Variants in JAKMIP1 observed in about 807,000 individuals in gnomAD.
The protein encoded by JAKMIP1 is janus kinase and microtubule interacting protein 1, also known as janus kinase and microtubule-interacting protein 1.
A neutral mutation model predicts 113.0 loss-of-function variants in JAKMIP1; 33 were observed. The observed-to-expected ratio is 0.29, with a 90% CI of 0.22 to 0.39. The LOEUF (loss-of-function observed/expected upper bound fraction) is 0.39. Ranked by LOEUF, JAKMIP1 falls within the 10% of genes least tolerant of loss-of-function variation. The pLI is 1.00. For synonymous variants in JAKMIP1, 480 were observed against 459.9 expected (o/e 1.04, Z -0.56); for missense variants, 813 against 1,080.5 (o/e 0.75, Z 3.47).
rs994744487 is a variant in JAKMIP1, at chr4:6,157,947, T to G, written c.-148+42306A>C. On this transcript the variant is annotated intron_variant, in intron 1 of 20. Coordinates refer to ENST00000409021, the MANE Select transcript of JAKMIP1 (RefSeq NM_001099433.2). This position sits in a 1 kb window ranked among gnomAD's most constrained non-coding sequence, Gnocchi z 4.7. ...GCACTAACTCCTGATGCAACAGCTT[T>G]CTTTCTATGGATCACTTCATTCTCC... Among the ~76,000 whole-genome samples the G allele has an allele frequency of 1.3e-5, 2 of 152,258 alleles. No homozygotes were observed. Among genetic ancestry groups the G allele is most frequent in the African/African-American group, 4.8e-5 (2 of 41,470 alleles).
intron 1 of JAKMIP1, among the ~76,000 whole-genome samples, chr4:6,125,506 T>A (rs563420018): frequency 6.6e-6 from 1 of 152,152 alleles, no homozygotes; most frequent in African/African-American, 2.4e-5. Flanking sequence ...GTCCGTTATG[T>A]GTCCAGGAGA....
At chr4:6,177,413 A>G (rs1343706407) in intron 1 of JAKMIP1, among the ~76,000 whole-genome samples, 7 of 152,134 alleles carry the variant, frequency 4.6e-5, no homozygotes, top group Admixed American at 3.9e-4. Context: ...TTAGCCTAGT[A>G]AAGGTTTATA....
rs578022462 is a variant in JAKMIP1 at position 6,113,062 on chromosome 4, G to A, written c.-147-65C>T. On this transcript the variant is annotated intron_variant, in intron 1 of 20. Coordinates refer to ENST00000409021, the MANE Select transcript of JAKMIP1 (RefSeq NM_001099433.2). ...GGTGGGGAGCTGGTGTCCCTGCCTCGGGCACCCTGGGCCAGGCACCTGCCT... is the reference window on the plus strand; with the variant it reads ...GGTGGGGAGCTGGTGTCCCTGCCTCAGGCACCCTGGGCCAGGCACCTGCCT... 188 of 692,632 alleles carry A rather than the reference G, an allele frequency of 2.7e-4. 2 individuals are homozygous for A. The highest frequency in any genetic ancestry group is 2.0e-3 in the South Asian group (98 of 48,196). 42.9% of individuals were successfully genotyped at this position (692,632 alleles called of 1,614,324 possible). A position where few individuals can be genotyped will look rare whatever the true frequency, so the allele number is the denominator to read the frequency against.
Position 6,040,971 on chromosome 4 carries a change from T to C in JAKMIP1, c.2098-255A>G, listed in dbSNP as rs1276466391. ...TCCTCCTGCTTCCCTGCCTCTTGGG[T>C]ACCTGACTGTAAAGAAGGGACCCAC... On this transcript the variant is annotated intron_variant, in intron 17 of 20. Transcript: ENST00000409021. The surrounding 1 kb of genome is among the most constrained non-coding windows in gnomAD (Gnocchi z 5.8). Among the ~76,000 whole-genome samples the C allele has an allele frequency of 6.6e-5, 10 of 152,062 alleles. No homozygotes were observed. The highest frequency in any genetic ancestry group is 1.2e-4 in the Non-Finnish European group (8 of 68,006).
chr4:6,132,260 T>C (rs1160105792), intron 1 of JAKMIP1, among the ~76,000 whole-genome samples: 2 of 152,166 alleles, frequency 1.3e-5, no homozygotes, highest in Non-Finnish European at 2.9e-5. Context: ...GAATGTATAT[T>C]GCAAACTCTA....
At position 6,089,276 on chromosome 4, in the gene JAKMIP1, G is replaced by C. The variant is rs1376805072; in HGVS notation, c.625-3647C>G. Among the ~76,000 whole-genome samples the C allele has an allele frequency of 2.6e-5, 4 of 152,218 alleles. No homozygotes were observed. Among genetic ancestry groups the C allele is most frequent in the Admixed American group, 2.6e-4 (4 of 15,286 alleles). ...GCAAATCCCATGACTTCAGTTGGGG[G>C]AGCCAACAGACACCCATGGCCTAAG... is the stretch of plus-strand genomic sequence containing the variant. On this transcript the variant is annotated intron_variant, in intron 3 of 20. Coordinates refer to ENST00000409021, the MANE Select transcript of JAKMIP1 (RefSeq NM_001099433.2). The surrounding 1 kb of genome is among the most constrained non-coding windows in gnomAD (Gnocchi z 5.3).
intron 8 of JAKMIP1, among the ~76,000 whole-genome samples, chr4:6,074,373 G>C (rs920791068): frequency 6.6e-6 from 1 of 152,228 alleles, no homozygotes; most frequent in Non-Finnish European, 1.5e-5. Flanking sequence ...GAGCTGGAGA[G>C]TAGGGATGGG....
rs1044962123 is a variant in JAKMIP1, at chr4:6,042,354, G to T, written c.2029-127C>A. 5.4e-6 allele frequency: 4 copies of T among 739,912 alleles called. No individual in the cohort carries two copies. Among genetic ancestry groups the T allele is most frequent in the Non-Finnish European group, 7.1e-6 (3 of 422,252 alleles). 45.8% of individuals were successfully genotyped at this position (739,912 alleles called of 1,614,324 possible). A position where few individuals can be genotyped will look rare whatever the true frequency, so the allele number is the denominator to read the frequency against. On this transcript the variant is annotated intron_variant, in intron 16 of 20. Transcript: ENST00000409021. The surrounding 1 kb of genome is among the most constrained non-coding windows in gnomAD (Gnocchi z 5.2). ...CAGAGTGTGCTCAGGAATGGGTCAG[G>T]TCATGGCACACACATGCCTGATCTG...
rs1272733043 is a variant in JAKMIP1 at position 6,139,075 on chromosome 4, CACACACACATAT to C, written c.-147-26090_-147-26079del. Among the ~76,000 whole-genome samples the C allele has an allele frequency of 0.022, 3,181 of 147,212 alleles. 123 individuals are homozygous for C. Among genetic ancestry groups the C allele is most frequent in the African/African-American group, 0.081 (3,035 of 37,368 alleles). On this transcript the variant is annotated intron_variant, in intron 1 of 20. Transcript: ENST00000409021. This position sits in a 1 kb window ranked among gnomAD's most constrained non-coding sequence, Gnocchi z 5.2. ...TTAGAAACACACACACACACACACACACACACACATATACACACACACACACACACCAGCAGG... is the reference window on the plus strand; with the variant it reads ...TTAGAAACACACACACACACACACACACACACACACACACACACCAGCAGG...
chr4:6,039,699 C>G (rs1025410611), intron 18 of JAKMIP1, among the ~76,000 whole-genome samples: 2 of 152,152 alleles, frequency 1.3e-5, no homozygotes, highest in African/African-American at 4.8e-5. Flanking sequence ...TCTCCTGCTC[C>G]TAGTCTCAAG....
chr4:6,153,298 T>C lies in JAKMIP1; in HGVS notation c.-147-40301A>G, dbSNP rs926969462. 2.0e-5 allele frequency among the ~76,000 whole-genome samples: 3 copies of C among 152,182 alleles called. No homozygotes were observed. The highest frequency in any genetic ancestry group is 4.4e-5 in the Non-Finnish European group (3 of 68,026). On this transcript the variant is annotated intron_variant, in intron 1 of 20. Transcript: ENST00000409021. The surrounding 1 kb of genome is among the most constrained non-coding windows in gnomAD (Gnocchi z 4.9). The stretch of plus-strand genomic sequence containing the variant: ...GGGGTCTTCCCCGAGCCTGGCCTCC[T>C]TCACACAGGCCTTGGTCACAGGCAG...
chr4:6,075,226 A>T (rs931461925), intron 8 of JAKMIP1, among the ~76,000 whole-genome samples: 6 of 150,738 alleles, frequency 4.0e-5, no homozygotes, highest in East Asian at 1.9e-4. Flanking sequence ...GCAACCATCC[A>T]TTTTTTTTTT....
At position 6,186,743 on chromosome 4, in the gene JAKMIP1, T is replaced by C. The variant is rs564942621; in HGVS notation, c.-148+13510A>G. Among the ~76,000 whole-genome samples the C allele has an allele frequency of 2.0e-5, 3 of 152,248 alleles. No individual in the cohort carries two copies. The South Asian group carries it at 6.2e-4, about 32-fold the overall frequency. ...GCTTCCTTGTTGACCTCCTGTAGAG[T>C]TGTTCTATCTGTTATTGAAAGTGGG... On this transcript the variant is annotated intron_variant, in intron 1 of 20. Transcript: ENST00000409021. This position sits in a 1 kb window ranked among gnomAD's most constrained non-coding sequence, Gnocchi z 5.5.
intron 16 of JAKMIP1, among the ~76,000 whole-genome samples, chr4:6,048,276 G>A (rs987707874): frequency 7.2e-5 from 11 of 152,210 alleles, no homozygotes; most frequent in African/African-American, 2.2e-4. Flanking sequence ...TGACAATGCC[G>A]TAGTCCTTCA....
Position 6,125,902 on chromosome 4 carries a change from C to CACACCATACACACCATGTAGAA in JAKMIP1, c.-147-12906_-147-12905insTTCTACATGGTGTGTATGGTGT, listed in dbSNP as rs1717448787. On this transcript the variant is annotated intron_variant, in intron 1 of 20. Coordinates refer to ENST00000409021, the MANE Select transcript of JAKMIP1 (RefSeq NM_001099433.2). ...TCCATACACACCATGCAGAAACACA[C>CACACCATACACACCATGTAGAA]ACACACACCATACACACCATGCAGA... 2.4e-4 allele frequency among the ~76,000 whole-genome samples: 6 copies of CACACCATACACACCATGTAGAA among 24,860 alleles called. 1 individual carries two copies. Among genetic ancestry groups the CACACCATACACACCATGTAGAA allele is most frequent in the Non-Finnish European group, 3.9e-4 (6 of 15,398 alleles). 16.3% of individuals were successfully genotyped at this position (24,860 alleles called of 152,430 possible).
Position 6,199,215 on chromosome 4 carries a change from T to G in JAKMIP1, c.-148+1038A>C, listed in dbSNP as rs1728179495. 6.6e-6 allele frequency among the ~76,000 whole-genome samples: 1 copy of G among 152,134 alleles called. No homozygotes were observed. Among genetic ancestry groups the G allele is most frequent in the Admixed American group, 6.5e-5 (1 of 15,276 alleles). ...CGGCGGAGGAGGGCTGGCGGTTAGA[T>G]ACAGTATCGCTGGAGCTCAGAGAGC... On this transcript the variant is annotated intron_variant, in intron 1 of 20. Coordinates refer to ENST00000409021, the MANE Select transcript of JAKMIP1 (RefSeq NM_001099433.2). This position sits in a 1 kb window ranked among gnomAD's most constrained non-coding sequence, Gnocchi z 5.6.
In JAKMIP1 at chr4:6,065,319, T is replaced by C. The variant is rs1032508053; in HGVS notation, c.1303-311A>G. ...CCAGCCTCCTTCTCTAGCAAATGGA[T>C]TGAGAAGCCACCTCACCTGTGAGCA... is the stretch of plus-strand genomic sequence containing the variant. On this transcript the variant is annotated intron_variant, in intron 8 of 20. Coordinates refer to ENST00000409021, the MANE Select transcript of JAKMIP1 (RefSeq NM_001099433.2). This position sits in a 1 kb window ranked among gnomAD's most constrained non-coding sequence, Gnocchi z 5.1. Among the ~76,000 whole-genome samples the C allele has an allele frequency of 3.7e-4, 57 of 152,150 alleles. No homozygotes were observed. Among genetic ancestry groups the C allele is most frequent in the African/African-American group, 1.3e-3 (54 of 41,426 alleles).
chr4:6,090,492 T>C (rs1431445914), intron 3 of JAKMIP1, among the ~76,000 whole-genome samples: 1 of 152,190 alleles, frequency 6.6e-6, no homozygotes, highest in Non-Finnish European at 1.5e-5. Context: ...TTTGTGGTAA[T>C]TTGTTACAGC....
In JAKMIP1 at chr4:6,139,005, C is replaced by A. The variant is rs1426498836; in HGVS notation, c.-147-26008G>T. On this transcript the variant is annotated intron_variant, in intron 1 of 20. Coordinates refer to ENST00000409021, the MANE Select transcript of JAKMIP1 (RefSeq NM_001099433.2). This position sits in a 1 kb window ranked among gnomAD's most constrained non-coding sequence, Gnocchi z 5.2. ...TCCCCACCCCACCCTGTCTGTTCAT[C>A]CTCCATGGCCTTAGTCAAGCTGTTA... 1.3e-5 allele frequency among the ~76,000 whole-genome samples: 2 copies of A among 151,814 alleles called. No individual in the cohort carries two copies. Among genetic ancestry groups the A allele is most frequent in the South Asian group, 4.2e-4 (2 of 4,812 alleles).
Sources: allele counts gnomAD v4.1 joint callset (sites outside exome capture counted in the v4.1 genomes callset), GRCh38; gene constraint gnomAD v4.1.1; non-coding constraint Gnocchi (gnomAD v3.1); transcripts MANE v1.5; gene names NCBI Gene and HGNC (gene_info 2026-07-23, HGNC 2026-07-21).